HTR7: variants seen among roughly 807,000 people sequenced by gnomAD.
HTR7 encodes 5-hydroxytryptamine receptor 7.
Under a neutral mutation model 34.0 loss-of-function variants are expected in HTR7, and 16 were observed. The ratio of observed to expected loss-of-function variants is 0.47; its 90% CI spans 0.32 to 0.71. The LOEUF is 0.71. Among genes scored for constraint, HTR7 ranks in the 30% least tolerant of loss-of-function variants. HTR7 has a pLI of 0.04. For synonymous variants in HTR7, 265 were observed against 260.2 expected (o/e 1.02, Z -0.18); for missense variants, 504 against 625.5 (o/e 0.81, Z 2.07).
chr10:90,838,613 C>G (rs1846284812), intron 1 of HTR7, among the ~76,000 whole-genome samples: 1 of 152,232 alleles, frequency 6.6e-6, no homozygotes, highest in Non-Finnish European at 1.5e-5. Flanking sequence ...AGTCCAAACT[C>G]TTTACCTGGT....
intron 1 of HTR7, among the ~76,000 whole-genome samples, chr10:90,777,593 G>T (rs1845239331): frequency 6.6e-6 from 1 of 152,074 alleles, no homozygotes. Context: ...AACCAAGTCT[G>T]TCCATTTTTA....
intron 1 of HTR7, among the ~76,000 whole-genome samples, chr10:90,798,048 C>A (rs868061497): frequency 2.0e-5 from 3 of 152,096 alleles, no homozygotes; most frequent in African/African-American, 7.2e-5. Context: ...TCCCTCATGG[C>A]CTAATCACCT....
At chr10:90,826,326 C>T (rs1846072887) in intron 1 of HTR7, among the ~76,000 whole-genome samples, 1 of 152,168 alleles carries the variant, frequency 6.6e-6, no homozygotes, top group African/African-American at 2.4e-5. Context: ...TTATCAACAG[C>T]AGACCTGTCC....
At chr10:90,816,136 G>A (rs1338560600) in intron 1 of HTR7, among the ~76,000 whole-genome samples, 9 of 152,204 alleles carry the variant, frequency 5.9e-5, no homozygotes, top group Admixed American at 2.6e-4. Flanking sequence ...GAAGCTATGC[G>A]AGGAGCTCCT....
intron 1 of HTR7, among the ~76,000 whole-genome samples, chr10:90,754,239 A>G (rs925708335): frequency 6.6e-6 from 1 of 152,074 alleles, no homozygotes; most frequent in Non-Finnish European, 1.5e-5. Context: ...GAATACATTC[A>G]TAAGTTTATA....
At chr10:90,820,442 C>A (rs1012929175) in intron 1 of HTR7, among the ~76,000 whole-genome samples, 5 of 152,176 alleles carry the variant, frequency 3.3e-5, no homozygotes, top group African/African-American at 1.2e-4. Flanking sequence ...GTGCAAAGAT[C>A]TGGACACTCC....
chr10:90,751,050 T>C (rs1844724999), intron 1 of HTR7, among the ~76,000 whole-genome samples: 1 of 152,140 alleles, frequency 6.6e-6, no homozygotes, highest in Non-Finnish European at 1.5e-5. Flanking sequence ...GAACTTCTGA[T>C]CCCTTCCAAG....
At chr10:90,760,955 A>C (rs2119721196) in intron 1 of HTR7, among the ~76,000 whole-genome samples, 1 of 152,298 alleles carries the variant, frequency 6.6e-6, no homozygotes, top group Non-Finnish European at 1.5e-5. Context: ...TTAAATGAAA[A>C]AATAGTAGCT....
intron 1 of HTR7, among the ~76,000 whole-genome samples, chr10:90,853,287 CTTT>C (rs35477812): frequency 1.8e-5 from 2 of 110,050 alleles, no homozygotes; most frequent in Non-Finnish European, 3.7e-5. Context: ...TTTTTTTTTT[CTTT>C]TTTTTTTTTT....
At position 90,749,062 on chromosome 10, in the gene HTR7, AG is replaced by A. The variant is rs1424375628; in HGVS notation, c.1071del (p.Cys358AlafsTer15). The A allele has an allele frequency of 6.2e-7, 1 of 1,613,964 alleles. No homozygotes were observed. On this transcript the variant is annotated frameshift_variant, in exon 2 of 4. Coordinates refer to ENST00000336152, the MANE Select transcript of HTR7 (RefSeq NM_019859.4). LOFTEE classifies it high-confidence loss of function. This position sits in a 1 kb window ranked among gnomAD's most constrained non-coding sequence, Gnocchi z 4.2. ...STARPFICGTSCSCIPLWVER... is the reference protein window; with the variant it reads ...STARPFICGTXCSCIPLWVER... ...TCCACCCACAGTGGGATGCAGCTGC[AG>A]GAAGTGCCACAGATGAAGGGTCTGG...
Position 90,758,277 on chromosome 10 carries a change from G to A in HTR7, c.540-8683C>T, listed in dbSNP as rs566749591. Reference sequence around the variant, plus strand: ...GAAGAATCGCTTGAACCCAGGAGGCGGAGGTTGCAGTGAGCAGAGATCGTG... The same window carrying A: ...GAAGAATCGCTTGAACCCAGGAGGCAGAGGTTGCAGTGAGCAGAGATCGTG... On this transcript the variant is annotated intron_variant, in intron 1 of 3. Transcript: ENST00000336152. Among the ~76,000 whole-genome samples the A allele has an allele frequency of 1.1e-4, 15 of 141,440 alleles. No homozygotes were observed. In the South Asian group the frequency reaches 2.1e-3, roughly 20 times the overall value. 92.8% of individuals were successfully genotyped at this position (141,440 alleles called of 152,430 possible). A position where few individuals can be genotyped will look rare whatever the true frequency, so the allele number is the denominator to read the frequency against.
At position 90,764,009 on chromosome 10, in the gene HTR7, T is replaced by C. The variant is rs570732415; in HGVS notation, c.540-14415A>G. 2.0e-5 allele frequency among the ~76,000 whole-genome samples: 3 copies of C among 152,200 alleles called. No individual in the cohort carries two copies. The East Asian group carries it at 5.8e-4, about 29-fold the overall frequency. On this transcript the variant is annotated intron_variant, in intron 1 of 3. Coordinates refer to ENST00000336152, the MANE Select transcript of HTR7 (RefSeq NM_019859.4). ...TTGCTGGGTCAAATGGTATTTCTGC[T>C]TCTAGGTCCTTGAGGAATCGCCACA... is the stretch of plus-strand genomic sequence containing the variant.
intron 1 of HTR7, among the ~76,000 whole-genome samples, chr10:90,791,988 G>C (rs1023555840): frequency 6.6e-6 from 1 of 152,086 alleles, no homozygotes. Context: ...AAATCTTGTG[G>C]CTCAAACTCC....
intron 1 of HTR7, among the ~76,000 whole-genome samples, chr10:90,779,343 ACC>A (rs925194279): frequency 3.9e-5 from 6 of 152,196 alleles, no homozygotes; most frequent in South Asian, 2.1e-4. Context: ...AAGAAATAAA[ACC>A]TGATGTGATT....
At chr10:90,801,974 T>G (rs1286378515) in intron 1 of HTR7, among the ~76,000 whole-genome samples, 1 of 152,208 alleles carries the variant, frequency 6.6e-6, no homozygotes, top group East Asian at 1.9e-4. Context: ...CCTTTTTTGT[T>G]GCCATTTTCC....
At position 90,749,689 on chromosome 10, in the gene HTR7, C is replaced by T; in HGVS notation, c.540-95G>A. 1 of 1,157,352 alleles carries T rather than the reference C, an allele frequency of 8.6e-7. No individual in the cohort carries two copies. The highest frequency in any genetic ancestry group is 1.2e-6 in the Non-Finnish European group (1 of 813,074). 71.7% of individuals were successfully genotyped at this position (1,157,352 alleles called of 1,614,324 possible). ...AGCCAGGTACCAGCGCCAGTCCTCGCAACAGCCCTTCTAGGTAGGCATCAT... is the reference window on the plus strand; with the variant it reads ...AGCCAGGTACCAGCGCCAGTCCTCGTAACAGCCCTTCTAGGTAGGCATCAT... On this transcript the variant is annotated intron_variant, in intron 1 of 3. Coordinates refer to ENST00000336152, the MANE Select transcript of HTR7 (RefSeq NM_019859.4). The surrounding 1 kb of genome is among the most constrained non-coding windows in gnomAD (Gnocchi z 4.2).
chr10:90,831,383 C>T (rs923416536), intron 1 of HTR7, among the ~76,000 whole-genome samples: 1 of 150,690 alleles, frequency 6.6e-6, no homozygotes, highest in Non-Finnish European at 1.5e-5. Context: ...CAGCTCAAGC[C>T]GGCACATCTG....
At chr10:90,800,223 AC>A (rs1367176069) in intron 1 of HTR7, among the ~76,000 whole-genome samples, 1 of 152,248 alleles carries the variant, frequency 6.6e-6, no homozygotes, top group Non-Finnish European at 1.5e-5. Flanking sequence ...ACAACCACTT[AC>A]AAAAGTTTGG....
chr10:90,805,504 C>A (rs916436145), intron 1 of HTR7, among the ~76,000 whole-genome samples: 1 of 152,138 alleles, frequency 6.6e-6, no homozygotes, highest in Non-Finnish European at 1.5e-5. Flanking sequence ...CATAACAAAC[C>A]TTGCTTGCCT....
Sources: gnomAD v4.1 joint callset for allele counts (sites outside exome capture counted in the v4.1 genomes callset) on GRCh38, gnomAD v4.1.1 for gene constraint, Gnocchi (gnomAD v3.1) non-coding constraint, MANE v1.5 for transcripts, NCBI Gene and HGNC (gene_info 2026-07-23, HGNC 2026-07-21) for gene names.